Variants in APBA2 observed in about 807,000 individuals in gnomAD.
APBA2 encodes the protein amyloid beta precursor protein binding family A member 2, also known as amyloid-beta A4 precursor protein-binding family A member 2.
A neutral mutation model predicts 75.0 loss-of-function variants in APBA2; 30 were observed. That is an observed-to-expected ratio of 0.40 (90% CI 0.30 to 0.54). The LOEUF is 0.54. Ranked by LOEUF, APBA2 falls within the 20% of genes least tolerant of loss-of-function variation. APBA2 has a pLI of 0.49. For missense variants in APBA2, 801 were observed against 1,016.1 expected, an observed-to-expected ratio of 0.79 and a Z score of 2.88; for synonymous variants, 444 against 409.6, an observed-to-expected ratio of 1.08 and a Z score of -1.01.
At chr15:28,974,442 C>T (rs1397771174) in intron 2 of APBA2, among the ~76,000 whole-genome samples, 1 of 152,174 alleles carries the variant, frequency 6.6e-6, no homozygotes, top group Non-Finnish European at 1.5e-5. Context: ...AAACATACGC[C>T]TCCAAATGTA....
intron 14 of APBA2, 126 bp downstream of exon 14, chr15:29,114,142 C>A: frequency 2.9e-6 from 4 of 1,402,060 alleles, no homozygotes; most frequent in Non-Finnish European, 4.0e-6. Context: ...TGTCTCCCAT[C>A]GGGGCTGCTG....
rs775073176 is a variant in APBA2, at chr15:29,054,380, C to G, written c.496C>G (p.Pro166Ala). ...GSQDYPDGQL[P>A]IPEDEPSVLE... ...CCAGGACTACCCAGACGGCCAACTG[C>G]CCATTCCGGAGGATGAGCCCTCCGT... Residue 166 changes from proline to alanine, a missense_variant, in exon 4 of 15, where the codon CCC becomes GCC. By Grantham distance (27) the Pro-to-Ala change is conservative. Transcript: ENST00000683413. The surrounding 1 kb of genome is among the most constrained non-coding windows in gnomAD (Gnocchi z 6.1). 1.5e-5 allele frequency: 25 copies of G among 1,614,132 alleles called. No individual in the cohort carries two copies. The East Asian group carries it at 5.1e-4, about 33-fold the overall frequency.
At chr15:29,068,989 C>G (rs913447825) in intron 4 of APBA2, among the ~76,000 whole-genome samples, 3 of 152,176 alleles carry the variant, frequency 2.0e-5, no homozygotes, top group African/African-American at 7.2e-5. Flanking sequence ...AGAGGAGACC[C>G]TGTATTTATT....
intron 13 of APBA2, 144 bp downstream of exon 13, chr15:29,108,533 T>C (rs1025149105): frequency 7.6e-7 from 1 of 1,320,312 alleles, no homozygotes; most frequent in Non-Finnish European, 1.1e-6. Context: ...CCAGGCCACC[T>C]GGGGCAGGAA....
intron 2 of APBA2, among the ~76,000 whole-genome samples, chr15:28,928,494 A>G (rs1394777177): frequency 6.6e-6 from 1 of 152,128 alleles, no homozygotes; most frequent in African/African-American, 2.4e-5. Flanking sequence ...CCAGCGGTCT[A>G]TAGTCTTCTG....
At chr15:29,097,699 T>C (rs990685170) in intron 8 of APBA2, among the ~76,000 whole-genome samples, 1 of 152,204 alleles carries the variant, frequency 6.6e-6, no homozygotes, top group African/African-American at 2.4e-5. Flanking sequence ...TTAGCAATTT[T>C]TAAGAATATG....
intron 1 of APBA2, among the ~76,000 whole-genome samples, chr15:28,916,220 C>T (rs1309306558): frequency 3.9e-5 from 6 of 152,256 alleles, no homozygotes; most frequent in South Asian, 2.1e-4. Context: ...CCTCTGCTCC[C>T]GTGGGTGCCT....
At chr15:29,100,495 G>T (rs548238085) in intron 9 of APBA2, among the ~76,000 whole-genome samples, 10 of 152,350 alleles carry the variant, frequency 6.6e-5, no homozygotes, top group Admixed American at 2.0e-4. Context: ...AGCTTTGTGT[G>T]CAGTCTTGTT....
At chr15:28,890,836 G>T (rs1435659868) in intron 1 of APBA2, among the ~76,000 whole-genome samples, 1 of 152,220 alleles carries the variant, frequency 6.6e-6, no homozygotes, top group African/African-American at 2.4e-5. Flanking sequence ...GTGTGGCCAC[G>T]TAGCCTTGGG....
At chr15:29,015,769 G>A (rs1026915092) in intron 3 of APBA2, among the ~76,000 whole-genome samples, 40 of 152,290 alleles carry the variant, frequency 2.6e-4, no homozygotes, top group Admixed American at 2.3e-3. Flanking sequence ...CCAGGTTTGT[G>A]GGGGGACAAG....
chr15:28,937,556 C>T (rs137906869), intron 2 of APBA2, among the ~76,000 whole-genome samples: 4 of 152,262 alleles, frequency 2.6e-5, no homozygotes, highest in African/African-American at 7.2e-5. Flanking sequence ...CTTACTCTGC[C>T]CCACTGTGAA....
chr15:29,037,921 C>T (rs1266017435), intron 3 of APBA2, among the ~76,000 whole-genome samples: 3 of 152,190 alleles, frequency 2.0e-5, no homozygotes, highest in African/African-American at 4.8e-5. Context: ...GCAGAGTCCT[C>T]ATGGCCTAAT....
At chr15:29,093,280 A>G in intron 7 of APBA2, 60 bp downstream of exon 7, 2 of 1,602,636 alleles carry the variant, frequency 1.2e-6, no homozygotes, top group Non-Finnish European at 1.7e-6. Flanking sequence ...CACTAGCAGG[A>G]GGGAATATGG....
At chr15:29,107,056 G>A (rs2044453845) in intron 12 of APBA2, among the ~76,000 whole-genome samples, 1 of 152,212 alleles carries the variant, frequency 6.6e-6, no homozygotes, top group South Asian at 2.1e-4. Flanking sequence ...GGGAGGGGTT[G>A]TCTGAGCCCT....
chr15:29,080,205 A>G (rs774687699), intron 6 of APBA2, among the ~76,000 whole-genome samples: 3 of 152,164 alleles, frequency 2.0e-5, no homozygotes, highest in Non-Finnish European at 4.4e-5. Context: ...CAACTTAACA[A>G]TCACTATATC....
At chr15:29,041,742 A>T (rs1298948937) in intron 3 of APBA2, among the ~76,000 whole-genome samples, 1 of 151,646 alleles carries the variant, frequency 6.6e-6, no homozygotes, top group African/African-American at 2.4e-5. Context: ...AGCAGGATTT[A>T]AAAAACTAGA....
At chr15:28,911,915 A>C (rs974328923) in intron 1 of APBA2, among the ~76,000 whole-genome samples, 1 of 152,252 alleles carries the variant, frequency 6.6e-6, no homozygotes, top group Non-Finnish European at 1.5e-5. Context: ...GCCAGACGTC[A>C]CTAGAGTAAT....
At chr15:29,089,452 T>C (rs779211189) in intron 6 of APBA2, among the ~76,000 whole-genome samples, 1 of 152,186 alleles carries the variant, frequency 6.6e-6, no homozygotes, top group Non-Finnish European at 1.5e-5. Context: ...CACTCCCACA[T>C]ACACCTGTGC....
intron 3 of APBA2, among the ~76,000 whole-genome samples, chr15:29,016,221 C>T (rs1467737481): frequency 6.6e-6 from 1 of 152,172 alleles, no homozygotes; most frequent in African/African-American, 2.4e-5. Flanking sequence ...GGCGCCACTG[C>T]ACTCCAGCCT....
Sources: allele counts gnomAD v4.1 joint callset (sites outside exome capture counted in the v4.1 genomes callset), GRCh38; gene constraint gnomAD v4.1.1; non-coding constraint Gnocchi (gnomAD v3.1); transcripts MANE v1.5; gene names NCBI Gene and HGNC (gene_info 2026-07-23, HGNC 2026-07-21).